Variants in TTC7A observed in about 807,000 individuals in gnomAD.
TTC7A encodes tetratricopeptide repeat domain 7A.
Under a neutral mutation model 103.7 loss-of-function variants are expected in TTC7A, and 110 were observed. The observed-to-expected ratio is 1.06, with a 90% CI of 0.91 to 1.24. The LOEUF is 1.24. TTC7A is among the 50% of genes most tolerant of loss of function. The pLI, the probability that TTC7A is intolerant of heterozygous loss-of-function variation, is 0.00. For synonymous variants in TTC7A, 521 were observed against 467.9 expected, an observed-to-expected ratio of 1.11 and a Z score of -1.47; for missense variants, 1,340 against 1,116.3, an observed-to-expected ratio of 1.20 and a Z score of -2.86.
intron 1 of TTC7A, among the ~76,000 whole-genome samples, chr2:46,948,171 C>T (rs11887744): frequency 0.061 from 9,215 of 152,216 alleles, 354 homozygotes; most frequent in Middle Eastern, 0.11. Flanking sequence ...GGCAACAAGG[C>T]GGGGACCAGC....
At chr2:46,993,360 A>G in intron 5 of TTC7A, 90 bp from the exon 6 acceptor site, 1 of 1,224,062 alleles carries the variant, frequency 8.2e-7, no homozygotes, top group Non-Finnish European at 1.2e-6. Context: ...TCCAGCAGTC[A>G]GCTCCTCCTG....
intron 11 of TTC7A, among the ~76,000 whole-genome samples, chr2:47,015,621 T>C (rs1678566153): frequency 6.6e-6 from 1 of 152,248 alleles, no homozygotes; most frequent in Non-Finnish European, 1.5e-5. Context: ...ATGGGGTAGC[T>C]GTGAATATCA....
intron 5 of TTC7A, among the ~76,000 whole-genome samples, chr2:46,982,729 T>C (rs13025013): frequency 0.17 from 26,599 of 152,144 alleles, 2,491 homozygotes; most frequent in Admixed American, 0.2. Context: ...TTTGGGAAGC[T>C]GAGGCAGGAG....
In TTC7A at chr2:46,941,942, C is replaced by T. The variant is rs1297903775; in HGVS notation, c.184+217C>T. 6.5e-6 allele frequency: 4 copies of T among 619,084 alleles called. No individual in the cohort carries two copies. The highest frequency in any genetic ancestry group is 1.1e-5 in the Non-Finnish European group (4 of 352,334). 38.3% of individuals were successfully genotyped at this position (619,084 alleles called of 1,614,324 possible). A position where few individuals can be genotyped will look rare whatever the true frequency, so the allele number is the denominator to read the frequency against. ...TTGGAGGGAAGAGAAACGGCTTTTG[C>T]TCTGTGTCCTTTAGGATAATGTGGC... On this transcript the variant is annotated intron_variant, in intron 1 of 19. Coordinates refer to ENST00000319190, the MANE Select transcript of TTC7A (RefSeq NM_020458.4). The surrounding 1 kb of genome is among the most constrained non-coding windows in gnomAD (Gnocchi z 4.2).
intron 2 of TTC7A, among the ~76,000 whole-genome samples, chr2:46,919,864 C>A (rs966550055): frequency 6.6e-6 from 1 of 152,262 alleles, no homozygotes; most frequent in African/African-American, 2.4e-5. Flanking sequence ...ATCACCCTTG[C>A]ATTGGATGAG....
chr2:46,928,606 C>G (rs1026556615), intron 2 of TTC7A, among the ~76,000 whole-genome samples: 2 of 151,646 alleles, frequency 1.3e-5, no homozygotes, highest in African/African-American at 4.9e-5. Context: ...CCTGTCTCTA[C>G]GAAAAATATA....
rs1677344251 is a variant in TTC7A at position 47,006,066 on chromosome 2, C to T, written c.1203+7C>T. The T allele has an allele frequency of 6.2e-7, 1 of 1,611,458 alleles. No homozygotes were observed. The highest frequency in any genetic ancestry group is 1.1e-5 in the South Asian group (1 of 91,004). The stretch of plus-strand genomic sequence containing the variant: ...GTACGTCATGCTCTCGGAGGTACGG[C>T]CGGCCATGCAGCCCACCCCACTCTC... On this transcript the variant is annotated splice_region_variant and intron_variant, in intron 9 of 19. Coordinates refer to ENST00000319190, the MANE Select transcript of TTC7A (RefSeq NM_020458.4).
chr2:47,040,400 C>G (rs921428184), intron 15 of TTC7A: 3 of 152,274 alleles, frequency 2.0e-5, no homozygotes, highest in African/African-American at 7.2e-5. Context: ...GATGGCGTGG[C>G]AAGGGCGTTC....
intron 4 of TTC7A, among the ~76,000 whole-genome samples, chr2:46,977,444 G>A (rs1673991472): frequency 6.6e-6 from 1 of 152,200 alleles, no homozygotes; most frequent in Admixed American, 6.5e-5. Flanking sequence ...AGGCAAGCCT[G>A]TCTGGTTGGG....
At chr2:47,058,351 A>C (rs1683489374) in intron 18 of TTC7A, among the ~76,000 whole-genome samples, 1 of 152,194 alleles carries the variant, frequency 6.6e-6, no homozygotes, top group African/African-American at 2.4e-5. Context: ...GTGGCAGGCT[A>C]CTCGGGTTGC....
intron 11 of TTC7A, among the ~76,000 whole-genome samples, chr2:47,018,200 C>G (rs1433718490): frequency 6.6e-6 from 1 of 151,486 alleles, no homozygotes; most frequent in Non-Finnish European, 1.5e-5. Flanking sequence ...TCACTTGAAC[C>G]TGGGAGGCAG....
intron 12 of TTC7A, 85 bp downstream of exon 12, chr2:47,022,064 C>G: frequency 1.0e-6 from 1 of 959,164 alleles, no homozygotes; most frequent in East Asian, 2.5e-5. Flanking sequence ...CTACCGGCAC[C>G]CCTCCCCTCA....
In TTC7A at chr2:47,052,135, A is replaced by G. The variant is rs368536195; in HGVS notation, c.2152+255A>G. Among the ~76,000 whole-genome samples, 11 of 152,300 alleles carry G rather than the reference A, an allele frequency of 7.2e-5. No homozygotes were observed. The East Asian group carries it at 2.1e-3, about 29-fold the overall frequency. ...TTGGAGGTCCTGAGAGGCCACACAG[A>G]TGGACAGTTGTCTCAGTCTCAAAAA... On this transcript the variant is annotated intron_variant, in intron 18 of 19. Coordinates refer to ENST00000319190, the MANE Select transcript of TTC7A (RefSeq NM_020458.4).
chr2:47,015,604 C>T (rs1046879851), intron 11 of TTC7A, among the ~76,000 whole-genome samples: 4 of 152,154 alleles, frequency 2.6e-5, no homozygotes, highest in African/African-American at 4.8e-5. Flanking sequence ...CAATCATGTC[C>T]GCCATTATGG....
upstream of TTC7A, chr2:46,941,121 C>G (rs918404109): frequency 6.8e-6 from 1 of 148,134 alleles, no homozygotes; most frequent in Non-Finnish European, 1.5e-5. The surrounding 1 kb of genome is among the most constrained non-coding windows in gnomAD (Gnocchi z 4.2). Flanking sequence ...CGCTGGCAGC[C>G]AGCGAGCCCG....
At chr2:46,969,047 G>A (rs890208643) in intron 3 of TTC7A, among the ~76,000 whole-genome samples, 3 of 151,406 alleles carry the variant, frequency 2.0e-5, no homozygotes, top group Admixed American at 6.6e-5. Flanking sequence ...GATTACAGAC[G>A]TGGGCCACCA....
chr2:46,994,221 G>A (rs965694746), intron 6 of TTC7A, 136 bp from the exon 7 acceptor site: 78 of 1,020,194 alleles, frequency 7.6e-5, no homozygotes, highest in Non-Finnish European at 1.1e-4. Flanking sequence ...CTTGGGAGTG[G>A]GGTTGGGGAG....
At chr2:47,018,425 A>T (rs1157851476) in intron 11 of TTC7A, among the ~76,000 whole-genome samples, 7 of 152,018 alleles carry the variant, frequency 4.6e-5, no homozygotes, top group African/African-American at 1.7e-4. Flanking sequence ...TCTGCTAAAA[A>T]TATAAAAAAA....
chr2:47,001,347 C>G lies in TTC7A; in HGVS notation c.1066-4575C>G. Among the ~76,000 whole-genome samples, 2 of 152,198 alleles carry G rather than the reference C, an allele frequency of 1.3e-5. 1 individual carries two copies. The highest frequency in any genetic ancestry group is 2.9e-5 in the Non-Finnish European group (2 of 68,040). ...AGCTGGCAGAGGAGCCCCCAGGCAGCTAGAGCTCAGGCAAGCAGCAGCAGT... is the reference window on the plus strand; with the variant it reads ...AGCTGGCAGAGGAGCCCCCAGGCAGGTAGAGCTCAGGCAAGCAGCAGCAGT... On this transcript the variant is annotated intron_variant, in intron 8 of 19. Transcript: ENST00000319190.
Sources: gnomAD v4.1 joint callset for allele counts (sites outside exome capture counted in the v4.1 genomes callset) on GRCh38, gnomAD v4.1.1 for gene constraint, Gnocchi (gnomAD v3.1) non-coding constraint, MANE v1.5 for transcripts, NCBI Gene and HGNC (gene_info 2026-07-23, HGNC 2026-07-21) for gene names.